Variants in PARN observed in about 807,000 individuals in gnomAD.
The protein encoded by PARN is poly(A)-specific ribonuclease, also known as poly(A)-specific ribonuclease PARN.
A neutral mutation model predicts 102.8 loss-of-function variants in PARN; 71 were observed. That is an observed-to-expected ratio of 0.69 (90% CI 0.57 to 0.84). The LOEUF is 0.84. Ranked by LOEUF, PARN falls within the 40% of genes least tolerant of loss-of-function variation. The pLI is 0.00. For synonymous variants in PARN, 261 were observed against 252.9 expected (o/e 1.03, Z -0.30); for missense variants, 782 against 760.9 (o/e 1.03, Z -0.33).
intron 18 of PARN, among the ~76,000 whole-genome samples, chr16:14,556,692 A>T (rs147719041): frequency 6.6e-6 from 1 of 152,330 alleles, no homozygotes; most frequent in Non-Finnish European, 1.5e-5. Context: ...GAAAGAAAAT[A>T]AATATTACCC....
At position 14,604,229 on chromosome 16, in the gene PARN, A is replaced by G. The variant is rs753455627; in HGVS notation, c.703-3T>C. 2 of 1,542,088 alleles carry G rather than the reference A, an allele frequency of 1.3e-6. No homozygotes were observed. Among genetic ancestry groups the G allele is most frequent in the East Asian group, 2.3e-5 (1 of 44,230 alleles). On this transcript the variant is annotated splice_region_variant and splice_polypyrimidine_tract_variant and intron_variant, in intron 10 of 23. Transcript: ENST00000437198. ...CTGATAACTATATATCGCTCCTTCTAAAAGACATAAAGCAGATATACAATT... is the reference window on the plus strand; with the variant it reads ...CTGATAACTATATATCGCTCCTTCTGAAAGACATAAAGCAGATATACAATT...
At chr16:14,543,502 A>G (rs940426673) in intron 21 of PARN, among the ~76,000 whole-genome samples, 7 of 152,226 alleles carry the variant, frequency 4.6e-5, no homozygotes, top group African/African-American at 1.7e-4. Context: ...ATGAATGCAG[A>G]TGTAATACAT....
intron 21 of PARN, among the ~76,000 whole-genome samples, chr16:14,548,826 T>C (rs1967121737): frequency 6.6e-6 from 1 of 152,104 alleles, no homozygotes; most frequent in African/African-American, 2.4e-5. Flanking sequence ...TGGTGGTGCA[T>C]GCTTGTAATC....
intron 5 of PARN, among the ~76,000 whole-genome samples, chr16:14,619,889 G>A (rs1972185037): frequency 6.6e-6 from 1 of 151,572 alleles, no homozygotes; most frequent in Non-Finnish European, 1.5e-5. Context: ...GACCAACATG[G>A]TGAAACCCCG....
intron 21 of PARN, among the ~76,000 whole-genome samples, chr16:14,530,448 T>C (rs2151667809): frequency 6.6e-6 from 1 of 152,198 alleles, no homozygotes; most frequent in East Asian, 1.9e-4. Context: ...GTTCAAACTC[T>C]GTTTACCATA....
chr16:14,547,943 T>C (rs921419463), intron 21 of PARN, among the ~76,000 whole-genome samples: 1 of 151,880 alleles, frequency 6.6e-6, no homozygotes, highest in African/African-American at 2.4e-5. Context: ...AAGTAATTTG[T>C]TTAAGATAAC....
At chr16:14,550,440 A>G (rs1967222754) in intron 21 of PARN, among the ~76,000 whole-genome samples, 1 of 152,170 alleles carries the variant, frequency 6.6e-6, no homozygotes, top group Non-Finnish European at 1.5e-5. Context: ...AATCCTTACA[A>G]TAACACTAAA....
chr16:14,598,198 T>G, intron 12 of PARN, among the ~76,000 whole-genome samples: 1 of 152,030 alleles, frequency 6.6e-6, no homozygotes, highest in South Asian at 2.1e-4. Flanking sequence ...CTTATTTTAC[T>G]TTAGTCAACT....
intron 18 of PARN, among the ~76,000 whole-genome samples, chr16:14,565,840 T>G (rs924706506): frequency 6.6e-6 from 1 of 152,154 alleles, no homozygotes; most frequent in African/African-American, 2.4e-5. Context: ...AATGGGCACA[T>G]TTTCCCCTAT....
intron 22 of PARN, among the ~76,000 whole-genome samples, chr16:14,450,979 C>T (rs976526458): frequency 1.3e-5 from 2 of 152,074 alleles, no homozygotes; most frequent in East Asian, 1.9e-4. Flanking sequence ...AGAAAAACTC[C>T]GACTCTCCAC....
Position 14,548,185 on chromosome 16 carries a change from T to C in PARN, c.1480+3836A>G, listed in dbSNP as rs191898074. On this transcript the variant is annotated intron_variant, in intron 21 of 23. Coordinates refer to ENST00000437198, the MANE Select transcript of PARN (RefSeq NM_002582.4). Reference sequence around the variant, plus strand: ...CTCGCTTGAACCTGGGAGGTGGAGGTTGCAGTGAGCCGAGATCGCACCACT... The same window carrying C: ...CTCGCTTGAACCTGGGAGGTGGAGGCTGCAGTGAGCCGAGATCGCACCACT... 5.0e-3 allele frequency among the ~76,000 whole-genome samples: 754 copies of C among 151,340 alleles called. 4 individuals are homozygous for C. Among genetic ancestry groups the C allele is most frequent in the Non-Finnish European group, 6.8e-3 (461 of 67,816 alleles).
intron 22 of PARN, among the ~76,000 whole-genome samples, chr16:14,467,798 A>G (rs1238331328): frequency 3.9e-5 from 6 of 152,262 alleles, no homozygotes; most frequent in Non-Finnish European, 8.8e-5. Flanking sequence ...TACTGTAAGC[A>G]AAGCAATTGA....
At chr16:14,528,538 G>C (rs1441957796) in intron 21 of PARN, among the ~76,000 whole-genome samples, 1 of 152,194 alleles carries the variant, frequency 6.6e-6, no homozygotes, top group Non-Finnish European at 1.5e-5. Context: ...CACTCACACA[G>C]TCTCCATGAT....
chr16:14,603,025 A>G (rs1276290219), intron 11 of PARN, among the ~76,000 whole-genome samples: 1 of 152,022 alleles, frequency 6.6e-6, no homozygotes, highest in Non-Finnish European at 1.5e-5. Context: ...GGGTCAAGCA[A>G]TTCTCCAGCA....
intron 21 of PARN, among the ~76,000 whole-genome samples, chr16:14,494,395 G>T (rs1964206181): frequency 6.6e-6 from 1 of 152,190 alleles, no homozygotes; most frequent in Non-Finnish European, 1.5e-5. Flanking sequence ...GCTTGCTCTG[G>T]AGTTTCCCAT....
Position 14,569,101 on chromosome 16 carries a change from A to G in PARN, c.1262+11773T>C, listed in dbSNP as rs189722988. Among the ~76,000 whole-genome samples the G allele has an allele frequency of 4.9e-4, 74 of 151,310 alleles. 1 individual carries two copies. Among genetic ancestry groups the G allele is most frequent in the African/African-American group, 1.7e-3 (72 of 41,206 alleles). ...GTGGCTTGAGCCTGTAATCCCAGCT[A>G]CTCAGGAGGCTGAGGCATGAGAATT... On this transcript the variant is annotated intron_variant, in intron 18 of 23. Coordinates refer to ENST00000437198, the MANE Select transcript of PARN (RefSeq NM_002582.4).
At chr16:14,496,070 T>G (rs1964299198) in intron 21 of PARN, among the ~76,000 whole-genome samples, 1 of 152,130 alleles carries the variant, frequency 6.6e-6, no homozygotes, top group Non-Finnish European at 1.5e-5. Context: ...GCTCTTTTCC[T>G]CCTCAAAACC....
At chr16:14,454,227 T>A (rs866624063) in intron 22 of PARN, among the ~76,000 whole-genome samples, 8 of 152,164 alleles carry the variant, frequency 5.3e-5, no homozygotes, top group South Asian at 2.1e-4. Context: ...ATGCCTGTAA[T>A]CCTAGCACTT....
chr16:14,482,265 C>T (rs941745725), intron 22 of PARN, among the ~76,000 whole-genome samples: 6 of 152,022 alleles, frequency 3.9e-5, no homozygotes, highest in Non-Finnish European at 5.9e-5. Flanking sequence ...TGTGGTGGTG[C>T]GTACCTGTAG....
Sources: gnomAD v4.1 joint callset for allele counts (sites outside exome capture counted in the v4.1 genomes callset) on GRCh38, gnomAD v4.1.1 for gene constraint, MANE v1.5 for transcripts, NCBI Gene and HGNC (gene_info 2026-07-23, HGNC 2026-07-21) for gene names.